Variants in HMGN3 observed in about 807,000 individuals in gnomAD.
HMGN3 encodes the protein high mobility group nucleosomal binding domain 3.
A neutral mutation model predicts 18.8 loss-of-function variants in HMGN3; 6 were observed. The ratio of observed to expected loss-of-function variants is 0.32; its 90% CI spans 0.18 to 0.63. The LOEUF (loss-of-function observed/expected upper bound fraction) is 0.63. Among genes scored for constraint, HMGN3 ranks in the 30% least tolerant of loss-of-function variants. The probability of loss-of-function intolerance (pLI) is 0.79; values close to 1 mark genes in which losing one functional copy is unlikely to be tolerated. For missense variants in HMGN3, 107 were observed against 114.2 expected (o/e 0.94, Z 0.29); for synonymous variants, 40 against 36.5 (o/e 1.10, Z -0.35).
chr6:79,213,903 G>A (rs887348448), intron 2 of HMGN3, among the ~76,000 whole-genome samples: 3 of 152,076 alleles, frequency 2.0e-5, no homozygotes, highest in Non-Finnish European at 4.4e-5. Context: ...TAAGTTCAAG[G>A]GTAACAGCTG....
intron 1 of HMGN3, among the ~76,000 whole-genome samples, chr6:79,231,997 C>T (rs1031576312): frequency 6.6e-6 from 1 of 152,158 alleles, no homozygotes; most frequent in Admixed American, 6.5e-5. Context: ...TCTTGCTCTG[C>T]AGAACAACTT....
intron 1 of HMGN3, among the ~76,000 whole-genome samples, chr6:79,219,779 T>G (rs1777176413): frequency 6.6e-6 from 1 of 152,208 alleles, no homozygotes; most frequent in Admixed American, 6.5e-5. Flanking sequence ...TTCACAGACT[T>G]TTTTGTACTA....
chr6:79,220,613 A>G (rs1777230120), intron 1 of HMGN3, among the ~76,000 whole-genome samples: 1 of 152,160 alleles, frequency 6.6e-6, no homozygotes, highest in Middle Eastern at 3.4e-3. Context: ...CACCTGGCTA[A>G]TTTTTGTATT....
intron 1 of HMGN3, among the ~76,000 whole-genome samples, chr6:79,224,921 C>A (rs1202395519): frequency 2.0e-5 from 3 of 152,116 alleles, no homozygotes; most frequent in Non-Finnish European, 4.4e-5. Flanking sequence ...CAAAACTAAT[C>A]AGCTGGCTGT....
intron 1 of HMGN3, among the ~76,000 whole-genome samples, chr6:79,229,837 T>TA (rs961545917): frequency 2.6e-5 from 4 of 151,916 alleles, no homozygotes; most frequent in African/African-American, 9.7e-5. Context: ...GAGATCGCGC[T>TA]ACTGCCCTCC....
chr6:79,207,839 C>A (rs760673959), intron 3 of HMGN3, among the ~76,000 whole-genome samples: 5 of 152,102 alleles, frequency 3.3e-5, no homozygotes, highest in Non-Finnish European at 4.4e-5. Flanking sequence ...AATGCCAATG[C>A]CTTTCCCTCT....
chr6:79,218,201 C>T (rs1313983155), intron 1 of HMGN3, among the ~76,000 whole-genome samples: 1 of 152,060 alleles, frequency 6.6e-6, no homozygotes, highest in Non-Finnish European at 1.5e-5. Flanking sequence ...TCTGGCACAC[C>T]CCAAGAAGGA....
At chr6:79,202,761 AGCCAGGGGGT>A (rs1776207227) in intron 4 of HMGN3, among the ~76,000 whole-genome samples, 2 of 152,198 alleles carry the variant, frequency 1.3e-5, no homozygotes, top group South Asian at 4.1e-4. Context: ...GGAAGAACCC[AGCCAGGGGGT>A]GGCTCTGTGG....
intron 5 of HMGN3, chr6:79,202,117 G>A (rs1776165587): frequency 1.3e-6 from 2 of 1,545,430 alleles, no homozygotes; most frequent in Middle Eastern, 1.7e-4. Flanking sequence ...GGGTGCCTCT[G>A]GAGGTTGAGA....
At chr6:79,212,523 G>C (rs554013731) in intron 2 of HMGN3, among the ~76,000 whole-genome samples, 1 of 152,290 alleles carries the variant, frequency 6.6e-6, no homozygotes, top group South Asian at 2.1e-4. Flanking sequence ...GCGCATTATA[G>C]GTGCTTATAT....
chr6:79,201,974 T>A, intron 5 of HMGN3, 89 bp downstream of exon 6: 2 of 1,465,762 alleles, frequency 1.4e-6, no homozygotes, highest in Non-Finnish European at 1.8e-6. Flanking sequence ...AAGCTCCCAC[T>A]CTTCATAATG....
intron 5 of HMGN3, 75 bp from the exon 7 acceptor site, chr6:79,201,801 AAC>A (rs1355685872): frequency 5.1e-6 from 8 of 1,564,028 alleles, no homozygotes; most frequent in African/African-American, 1.4e-5. Flanking sequence ...TCCACCCACC[AAC>A]ACACACAGTT....
chr6:79,201,605 C>A, exon 6 of HMGN3: 1 of 946,448 alleles, frequency 1.1e-6, no homozygotes, highest in Non-Finnish European at 1.7e-6. Context: ...AAAAAATTAG[C>A]ATTTACAAAA....
At chr6:79,234,572 C>T in exon 1 of HMGN3, 1 of 1,611,610 alleles carries the variant, frequency 6.2e-7, no homozygotes, top group Non-Finnish European at 8.5e-7. Context: ...ATGACTATGT[C>T]GGTGAAGCAA....
chr6:79,212,349 T>C (rs549503541), intron 2 of HMGN3, among the ~76,000 whole-genome samples: 1 of 152,336 alleles, frequency 6.6e-6, no homozygotes, highest in Non-Finnish European at 1.5e-5. Flanking sequence ...AAAATAGCAC[T>C]TCTCTGACAT....
chr6:79,208,684 T>G, intron 2 of HMGN3, 108 bp from the exon 3 acceptor site: 2 of 874,000 alleles, frequency 2.3e-6, no homozygotes, highest in Non-Finnish European at 3.9e-6. Flanking sequence ...ATGACTATAA[T>G]GTATGATTCC....
chr6:79,227,029 C>T (rs1471000083), intron 1 of HMGN3, among the ~76,000 whole-genome samples: 1 of 152,122 alleles, frequency 6.6e-6, no homozygotes, highest in Non-Finnish European at 1.5e-5. Flanking sequence ...TTTTAAATTA[C>T]TCAGGAGACT....
At chr6:79,222,700 G>A (rs1256543810) in intron 1 of HMGN3, among the ~76,000 whole-genome samples, 1 of 152,150 alleles carries the variant, frequency 6.6e-6, no homozygotes, top group Non-Finnish European at 1.5e-5. Flanking sequence ...TTGGAATTGA[G>A]AGGTCCCTTC....
At chr6:79,201,898 T>C (rs1274758058) in intron 5 of HMGN3, 165 bp downstream of exon 6, 5 of 985,014 alleles carry the variant, frequency 5.1e-6, no homozygotes, top group African/African-American at 3.5e-5. Context: ...CAGGAATATA[T>C]TACACAAACA....
Sources: gnomAD v4.1 joint callset for allele counts (sites outside exome capture counted in the v4.1 genomes callset) on GRCh38, gnomAD v4.1.1 for gene constraint, MANE v1.5 for transcripts, NCBI Gene and HGNC (gene_info 2026-07-23, HGNC 2026-07-21) for gene names.